Variants in NKAIN2 observed in about 807,000 individuals in gnomAD.
The protein encoded by NKAIN2 is sodium/potassium-transporting ATPase subunit beta-1-interacting protein 2.
NKAIN2 carries 14 observed loss-of-function variants against 32.6 expected under a neutral mutation model. That is an observed-to-expected ratio of 0.43 (90% CI 0.28 to 0.67). The LOEUF (loss-of-function observed/expected upper bound fraction) is 0.67, where lower values mean the gene tolerates loss of function less well. Ranked by LOEUF, NKAIN2 falls within the 30% of genes least tolerant of loss-of-function variation. The pLI is 0.17. For missense variants in NKAIN2, 198 were observed against 258.3 expected (o/e 0.77, Z 1.60); for synonymous variants, 80 against 87.2 (o/e 0.92, Z 0.46).
At chr6:124,138,214 G>A (rs570861996) in intron 1 of NKAIN2, among the ~76,000 whole-genome samples, 97 of 152,058 alleles carry the variant, frequency 6.4e-4, no homozygotes, top group African/African-American at 2.3e-3. Context: ...ATATACAAAT[G>A]GCCAACAAAC....
chr6:124,178,408 C>G (rs1013382510), intron 1 of NKAIN2, among the ~76,000 whole-genome samples: 2 of 151,822 alleles, frequency 1.3e-5, no homozygotes, highest in Non-Finnish European at 2.9e-5. Context: ...CGCCATTCTC[C>G]TGCCTCAGCT....
chr6:124,785,828 G>C (rs1779475894), intron 4 of NKAIN2, among the ~76,000 whole-genome samples: 7 of 152,130 alleles, frequency 4.6e-5, no homozygotes, highest in Admixed American at 4.6e-4. Context: ...CTTCTACTAA[G>C]CTTCCACTGA....
intron 1 of NKAIN2, among the ~76,000 whole-genome samples, chr6:124,043,949 G>A (rs894227153): frequency 7.2e-5 from 11 of 152,000 alleles, no homozygotes; most frequent in African/African-American, 2.7e-4. Context: ...GCAAAAGGTA[G>A]GAACTATGTA....
intron 3 of NKAIN2, among the ~76,000 whole-genome samples, chr6:124,432,953 A>G (rs1280843976): frequency 1.3e-5 from 2 of 152,074 alleles, no homozygotes; most frequent in Non-Finnish European, 2.9e-5. Flanking sequence ...CGACACATCC[A>G]TGAAGTTGTG....
chr6:124,515,212 C>A (rs1262357898), intron 3 of NKAIN2, among the ~76,000 whole-genome samples: 1 of 152,010 alleles, frequency 6.6e-6, no homozygotes, highest in East Asian at 1.9e-4. Context: ...CTGCCTTGGT[C>A]ACTTTGTGTT....
intron 4 of NKAIN2, among the ~76,000 whole-genome samples, chr6:124,732,560 A>G (rs1776735392): frequency 6.6e-6 from 1 of 152,100 alleles, no homozygotes; most frequent in Non-Finnish European, 1.5e-5. Context: ...ATAGAGAGTG[A>G]GATTCAATAA....
intron 3 of NKAIN2, among the ~76,000 whole-genome samples, chr6:124,483,767 G>T (rs1777546541): frequency 1.3e-5 from 2 of 151,732 alleles, no homozygotes; most frequent in Admixed American, 6.6e-5. Context: ...TAAAAATTGT[G>T]CAATTAACTG....
chr6:123,924,966 T>G (rs1775939089), intron 1 of NKAIN2, among the ~76,000 whole-genome samples: 1 of 152,046 alleles, frequency 6.6e-6, no homozygotes, highest in Non-Finnish European at 1.5e-5. Context: ...AATATCATGA[T>G]TATATTATTT....
chr6:124,558,841 C>T (rs990657077), intron 3 of NKAIN2, among the ~76,000 whole-genome samples: 1 of 152,020 alleles, frequency 6.6e-6, no homozygotes, highest in African/African-American at 2.4e-5. Flanking sequence ...CCCAGCTACC[C>T]GGGAGGCTGA....
Position 124,183,331 on chromosome 6 carries a change from T to G in NKAIN2, c.55-99674T>G, listed in dbSNP as rs527594268. Reference sequence around the variant, plus strand: ...ACTAAGTGCTTGTCTATTTTGTTTATATTACACTTCTATTACTAATAAAAG... The same window carrying G: ...ACTAAGTGCTTGTCTATTTTGTTTAGATTACACTTCTATTACTAATAAAAG... On this transcript the variant is annotated intron_variant, in intron 1 of 6. Transcript: ENST00000368417. 2.8e-3 allele frequency among the ~76,000 whole-genome samples: 432 copies of G among 152,250 alleles called. 3 individuals are homozygous for G. Among genetic ancestry groups the G allele is most frequent in the African/African-American group, 9.7e-3 (404 of 41,576 alleles).
At chr6:124,760,492 A>T (rs944441665) in intron 4 of NKAIN2, among the ~76,000 whole-genome samples, 18 of 151,898 alleles carry the variant, frequency 1.2e-4, no homozygotes, top group African/African-American at 4.4e-4. Context: ...AAATAAATTT[A>T]AAAAAAGCTT....
chr6:124,071,089 A>G (rs984731323), intron 1 of NKAIN2, among the ~76,000 whole-genome samples: 5 of 152,174 alleles, frequency 3.3e-5, no homozygotes, highest in Admixed American at 1.3e-4. Flanking sequence ...CAATGGAACA[A>G]AAGCTCACAA....
At chr6:124,626,362 C>CAAAA (rs1427498278) in intron 3 of NKAIN2, among the ~76,000 whole-genome samples, 1 of 151,866 alleles carries the variant, frequency 6.6e-6, no homozygotes, top group Non-Finnish European at 1.5e-5. Flanking sequence ...AAACTTCTGA[C>CAAAA]AAAATATGCC....
chr6:124,322,429 G>C (rs1721416131), intron 2 of NKAIN2, among the ~76,000 whole-genome samples: 1 of 152,080 alleles, frequency 6.6e-6, no homozygotes, highest in African/African-American at 2.4e-5. Context: ...ATGAGAAATT[G>C]ACATTGGCAA....
At chr6:124,807,811 G>A (rs1205340045) in intron 5 of NKAIN2, among the ~76,000 whole-genome samples, 2 of 150,338 alleles carry the variant, frequency 1.3e-5, no homozygotes, top group Non-Finnish European at 3.0e-5. Context: ...TATCACCACT[G>A]ATCCCACAGA....
intron 3 of NKAIN2, among the ~76,000 whole-genome samples, chr6:124,476,129 A>G (rs1777202377): frequency 6.7e-6 from 1 of 149,548 alleles, no homozygotes; most frequent in South Asian, 2.1e-4. Flanking sequence ...TAAAGGATGC[A>G]CAGGAAAATA....
chr6:123,892,128 G>A (rs897109503), intron 1 of NKAIN2, among the ~76,000 whole-genome samples: 1 of 152,100 alleles, frequency 6.6e-6, no homozygotes, highest in Non-Finnish European at 1.5e-5. Flanking sequence ...GTGCCTAAAA[G>A]TAAAAGAAAG....
chr6:124,608,029 A>G (rs2114992361), intron 3 of NKAIN2, among the ~76,000 whole-genome samples: 1 of 152,272 alleles, frequency 6.6e-6, no homozygotes, highest in Non-Finnish European at 1.5e-5. Flanking sequence ...CTTTCAACTT[A>G]TGATAGGTTT....
chr6:123,948,016 T>C (rs1256115940), intron 1 of NKAIN2, among the ~76,000 whole-genome samples: 2 of 152,106 alleles, frequency 1.3e-5, no homozygotes, highest in Non-Finnish European at 2.9e-5. Flanking sequence ...ACATATGGTA[T>C]TTGTCTTTCT....
Sources: allele counts gnomAD v4.1 joint callset (sites outside exome capture counted in the v4.1 genomes callset), GRCh38; gene constraint gnomAD v4.1.1; transcripts MANE v1.5; gene names NCBI Gene and HGNC (gene_info 2026-07-23, HGNC 2026-07-21).